Variants in C16orf89 observed in about 807,000 individuals in gnomAD.
The protein encoded by C16orf89 is UPF0764 protein C16orf89.
C16orf89 carries 57 observed loss-of-function variants against 41.5 expected under a neutral mutation model. That is an observed-to-expected ratio of 1.38 (90% confidence interval 1.11 to 1.71). The LOEUF is 1.71. C16orf89 is among the 40% of genes most tolerant of loss of function. C16orf89 has a pLI of 0.00. For missense variants in C16orf89, 575 were observed against 445.9 expected (o/e 1.29, Z -2.61); for synonymous variants, 223 against 190.6 (o/e 1.17, Z -1.40).
Position 5,056,098 on chromosome 16 carries a change from C to A in C16orf89, c.718G>T (p.Ala240Ser), listed in dbSNP as rs759228896. 1.4e-5 allele frequency: 22 copies of A among 1,600,042 alleles called. 1 individual carries two copies. The South Asian group carries it at 2.4e-4, about 18-fold the overall frequency. Residue 240 changes from alanine to serine, a missense_variant, in exon 5 of 8, where the codon GCC becomes TCC. Transcript: ENST00000472572. ...CGGGTAGGGTAGGCGTATCCGATGG[C>A]CTCAGCTCTGCGGTTCAAGTCCATC... ...NMMDLNRRAE[A>S]IGYAYPTRDI... is the part of the protein sequence containing the mutation.
At chr16:5,056,530 A>G (rs951638064) in intron 4 of C16orf89, among the ~76,000 whole-genome samples, 17 of 152,140 alleles carry the variant, frequency 1.1e-4, no homozygotes, top group Non-Finnish European at 2.9e-5. Flanking sequence ...GAAGTGCCCA[A>G]TGTGATGCCT....
At chr16:5,060,917 T>G (rs1956604596) in intron 2 of C16orf89, among the ~76,000 whole-genome samples, 1 of 144,552 alleles carries the variant, frequency 6.9e-6, no homozygotes, top group East Asian at 2.2e-4. Flanking sequence ...AGTCTAGAAG[T>G]TGGAGAATGC....
At chr16:5,057,180 T>C (rs1404199693) in intron 4 of C16orf89, among the ~76,000 whole-genome samples, 1 of 148,830 alleles carries the variant, frequency 6.7e-6, no homozygotes, top group Admixed American at 6.8e-5. Flanking sequence ...GAGGTTGCAG[T>C]GAGCTGAGAT....
rs1009291417 is a variant in C16orf89, at chr16:5,062,327, G to A, written c.358+98C>T. 4 of 1,410,630 alleles carry A rather than the reference G, an allele frequency of 2.8e-6. No homozygotes were observed. The African/African-American group carries it at 4.3e-5, about 15-fold the overall frequency. The allele number at this position is 1,410,630 out of a possible 1,614,324, so 87.4% of individuals were successfully genotyped here. A position where few individuals can be genotyped will look rare whatever the true frequency, so the allele number is the denominator to read the frequency against. On this transcript the variant is annotated intron_variant, in intron 2 of 7. Transcript: ENST00000472572. ...TCCAAGTTGGTTACGGACTGTCCCA[G>A]CCCAGCCTTGCCCCAGGAGAGCCCA...
At position 5,055,358 on chromosome 16, in the gene C16orf89, T is replaced by C. The variant is rs2291954; in HGVS notation, c.764-8A>G. The C allele has an allele frequency of 6.6e-3, 10,623 of 1,599,050 alleles. 304 individuals are homozygous for C. The African/African-American group carries it at 0.086, about 13-fold the overall frequency. ...CCATTCCACAGAACATGACTGGAAG[T>C]AAAGACGGGGGCCCTCTGCAGGCCT... On this transcript the variant is annotated splice_region_variant and splice_polypyrimidine_tract_variant and intron_variant, in intron 5 of 7. Coordinates refer to ENST00000472572, the MANE Select transcript of C16orf89 (RefSeq NM_001098514.3).
chr16:5,044,651 G>C (rs1956261827), intron 7 of C16orf89, 173 bp from the exon 8 acceptor site: 1 of 1,286,200 alleles, frequency 7.8e-7, no homozygotes, highest in Non-Finnish European at 1.1e-6. Context: ...AGACCAGCAT[G>C]AGCAACATGA....
downstream of C16orf89, chr16:5,043,022 AAC>A (rs1956234793): frequency 6.6e-6 from 1 of 152,102 alleles, no homozygotes; most frequent in Non-Finnish European, 1.5e-5. Flanking sequence ...GTATTCTAGA[AAC>A]ACAATACTCA....
chr16:5,054,476 C>A lies in C16orf89; in HGVS notation c.868+770G>T, dbSNP rs545977604. Among the ~76,000 whole-genome samples the A allele has an allele frequency of 5.3e-5, 8 of 152,338 alleles. No homozygotes were observed. The South Asian group carries it at 1.7e-3, about 32-fold the overall frequency. ...CTTCTCTTCTTCCTCACCCTGTCGT[C>A]TCCTTTATAGCTCTTATCAGAATGT... On this transcript the variant is annotated intron_variant, in intron 6 of 7. Transcript: ENST00000472572.
At chr16:5,043,999 TA>T (rs35753287), downstream of C16orf89, 126,399 of 374,194 alleles carry the variant, frequency 0.34, 7,711 homozygotes, top group African/African-American at 0.41. Context: ...ATCTATTAAT[TA>T]AAAAAAAAAA....
At chr16:5,055,785 G>C (rs1444908242) in intron 5 of C16orf89, 1 of 1,480,374 alleles carries the variant, frequency 6.8e-7, no homozygotes, top group Non-Finnish European at 9.1e-7. Flanking sequence ...AGTTACATTT[G>C]AGTTTTCGAT....
chr16:5,047,855 A>G (rs372565429), intron 7 of C16orf89, 23 bp downstream of exon 7: 140 of 1,377,606 alleles, frequency 1.0e-4, no homozygotes, highest in Non-Finnish European at 1.3e-4. Context: ...ATGTCAAGAA[A>G]CTCCCTTGGG....
intron 7 of C16orf89, among the ~76,000 whole-genome samples, chr16:5,045,223 G>C (rs2142592392): frequency 6.6e-6 from 1 of 152,296 alleles, no homozygotes; most frequent in Non-Finnish European, 1.5e-5. Context: ...AAGACCTTCT[G>C]AGATGGGGAA....
intron 2 of C16orf89, among the ~76,000 whole-genome samples, chr16:5,061,484 CA>C (rs757755365): frequency 1.9e-4 from 1 of 5,130 alleles, no homozygotes; most frequent in Non-Finnish European, 3.3e-4. Flanking sequence ...GACACTGTCT[CA>C]AAAAAAAAAA....
At chr16:5,064,797 C>T (rs1441357954) in intron 1 of C16orf89, among the ~76,000 whole-genome samples, 1 of 152,196 alleles carries the variant, frequency 6.6e-6, no homozygotes, top group Non-Finnish European at 1.5e-5. Context: ...GGACCCTGGT[C>T]TGAGGCTGTT....
intron 2 of C16orf89, 55 bp from the exon 3 acceptor site, chr16:5,060,491 G>A (rs570627778): frequency 2.0e-6 from 3 of 1,534,120 alleles, no homozygotes; most frequent in South Asian, 2.5e-5. Context: ...CAGGAGCAGT[G>A]GGCCACCCTG....
rs370185121 is a variant in C16orf89, at chr16:5,060,354, C to T, written c.441G>A (p.Thr147=). 49 of 1,613,476 alleles carry T rather than the reference C, an allele frequency of 3.0e-5. 1 individual carries two copies. In the Admixed American group the frequency reaches 4.5e-4, roughly 15 times the overall value. Residue 147 remains threonine, a synonymous_variant, in exon 3 of 8, where the codon ACG becomes ACA. Transcript: ENST00000472572. ...CTGAGAATGAGTCCTGGGGCCCGAA[C>T]GTGGGGTACACCAAGGAGGCATCAG... ...IHTDASLVYP[T]FGPQDSFSEE... is the part of the protein sequence containing the mutation.
chr16:5,055,656 A>T, intron 5 of C16orf89: 1 of 1,524,104 alleles, frequency 6.6e-7, no homozygotes. Flanking sequence ...TGCCTCATCC[A>T]TAAGGCTTTG....
At chr16:5,045,143 C>T (rs1956272070) in intron 7 of C16orf89, among the ~76,000 whole-genome samples, 1 of 152,232 alleles carries the variant, frequency 6.6e-6, no homozygotes, top group African/African-American at 2.4e-5. Flanking sequence ...TCCTGCCTGG[C>T]TTAGCCTGCT....
intron 7 of C16orf89, among the ~76,000 whole-genome samples, chr16:5,045,185 C>T (rs1023169033): frequency 6.6e-5 from 10 of 152,232 alleles, no homozygotes; most frequent in African/African-American, 2.4e-4. Context: ...TAAACCCACG[C>T]ACCGGAGTCC....
Sources: gnomAD v4.1 joint callset for allele counts (sites outside exome capture counted in the v4.1 genomes callset) on GRCh38, gnomAD v4.1.1 for gene constraint, MANE v1.5 for transcripts, NCBI Gene and HGNC (gene_info 2026-07-23, HGNC 2026-07-21) for gene names.